The following NPL variants were observed in gnomAD, a reference collection of about 807,000 sequenced individuals.
The protein encoded by NPL is N-acetylneuraminate pyruvate lyase, also known as N-acetylneuraminate lyase.
In NPL, 32 loss-of-function variants were observed where a neutral mutation model predicts 41.1. The observed-to-expected ratio is 0.78, with a 90% CI of 0.59 to 1.05. The LOEUF (loss-of-function observed/expected upper bound fraction) is 1.05. Among genes scored for constraint, NPL ranks in the 50% least tolerant of loss-of-function variants. The pLI, the probability that NPL is intolerant of heterozygous loss-of-function variation, is 0.00. For synonymous variants in NPL, 128 were observed against 134.9 expected (o/e 0.95, Z 0.35); for missense variants, 321 against 378.4 (o/e 0.85, Z 1.26).
At chr1:182,819,298 T>C (rs549745970) in intron 10 of NPL, among the ~76,000 whole-genome samples, 1 of 151,858 alleles carries the variant, frequency 6.6e-6, no homozygotes, top group South Asian at 2.1e-4. Flanking sequence ...ATACAAAAAT[T>C]AGCTGGGCAT....
chr1:182,794,616 T>C (rs1571419928), intron 3 of NPL, among the ~76,000 whole-genome samples, 177 bp downstream of exon 3: 1 of 152,240 alleles, frequency 6.6e-6, no homozygotes, highest in East Asian at 1.9e-4. Context: ...GGAGGCATTA[T>C]ATCTCTGACC....
chr1:182,804,162 C>G (rs1666936146), intron 4 of NPL, among the ~76,000 whole-genome samples: 1 of 152,156 alleles, frequency 6.6e-6, no homozygotes, highest in Non-Finnish European at 1.5e-5. Flanking sequence ...GAGTCTTGCT[C>G]TATCTCCCCC....
intron 3 of NPL, among the ~76,000 whole-genome samples, chr1:182,799,364 G>A (rs1037744480): frequency 1.3e-5 from 2 of 152,098 alleles, no homozygotes; most frequent in Non-Finnish European, 2.9e-5. Flanking sequence ...TTGTTTAGCC[G>A]GTATAGTAAT....
intron 1 of NPL, among the ~76,000 whole-genome samples, chr1:182,790,087 T>C (rs1666456121): frequency 6.6e-6 from 1 of 151,970 alleles, no homozygotes; most frequent in Non-Finnish European, 1.5e-5. Context: ...CAAAATAGAG[T>C]TAGCAATTGA....
At chr1:182,794,014 A>G (rs577043981) in intron 2 of NPL, among the ~76,000 whole-genome samples, 2 of 152,336 alleles carry the variant, frequency 1.3e-5, no homozygotes, top group South Asian at 2.1e-4. Context: ...AGGCATGACT[A>G]TAATTCACTG....
At chr1:182,802,144 C>A (rs1472879685) in intron 3 of NPL, among the ~76,000 whole-genome samples, 1 of 152,238 alleles carries the variant, frequency 6.6e-6, no homozygotes. Flanking sequence ...CTTTGCCCAG[C>A]CTTTGCTGAA....
rs773568322 is a variant in NPL at position 182,828,958 on chromosome 1, A to C, written c.*50A>C. ...GCACCTTGAGACATAATCTACCTTA[A>C]ATAGTGCATTTTTTTCTCAGGGAAT... On this transcript the variant is annotated 3_prime_UTR_variant, in exon 13 of 13. Coordinates refer to ENST00000367553, the MANE Select transcript of NPL (RefSeq NM_030769.3). The surrounding 1 kb of genome is among the most constrained non-coding windows in gnomAD (Gnocchi z 4.0). 1 of 1,609,962 alleles carries C rather than the reference A, an allele frequency of 6.2e-7. No homozygotes were observed. Among genetic ancestry groups the C allele is most frequent in the Non-Finnish European group, 8.5e-7 (1 of 1,179,594 alleles).
At chr1:182,797,832 C>T (rs1315533367) in intron 3 of NPL, among the ~76,000 whole-genome samples, 2 of 152,170 alleles carry the variant, frequency 1.3e-5, no homozygotes, top group Non-Finnish European at 2.9e-5. Flanking sequence ...CTGCTTAGCC[C>T]TGTTCAATAG....
rs572408425 is a variant in NPL at position 182,813,013 on chromosome 1, C to G, written c.288+800C>G. Among the ~76,000 whole-genome samples, 26 of 151,952 alleles carry G rather than the reference C, an allele frequency of 1.7e-4. 1 individual carries two copies. The highest frequency in any genetic ancestry group is 6.2e-4 in the South Asian group (3 of 4,826). ...ACTAAAAATACAAAAATTAGCCAGG[C>G]ATGGTGGTGGGCGCCTATAATCCCA... is the stretch of plus-strand genomic sequence containing the variant. On this transcript the variant is annotated intron_variant, in intron 6 of 12. Coordinates refer to ENST00000367553, the MANE Select transcript of NPL (RefSeq NM_030769.3).
chr1:182,824,357 CAT>C (rs1379431330), intron 11 of NPL, among the ~76,000 whole-genome samples: 1 of 152,166 alleles, frequency 6.6e-6, no homozygotes, highest in Non-Finnish European at 1.5e-5. Context: ...TGGGGTAGAA[CAT>C]ATATGTTTGT....
chr1:182,814,517 C>A (rs759090248), intron 6 of NPL, among the ~76,000 whole-genome samples: 1 of 152,154 alleles, frequency 6.6e-6, no homozygotes, highest in African/African-American at 2.4e-5. Flanking sequence ...CAAAATGAAC[C>A]ACTTACGTCT....
At chr1:182,823,648 A>G (rs1267365615) in intron 11 of NPL, among the ~76,000 whole-genome samples, 1 of 152,212 alleles carries the variant, frequency 6.6e-6, no homozygotes, top group Non-Finnish European at 1.5e-5. Context: ...CCAGTTTCCT[A>G]GAAAAGGTTA....
rs1195641711 is a variant in NPL at position 182,828,910 on chromosome 1, G to C, written c.*2G>C. The C allele has an allele frequency of 1.9e-6, 3 of 1,613,990 alleles. No homozygotes were observed. The highest frequency in any genetic ancestry group is 2.2e-5 in the East Asian group (1 of 44,896). ...GGAAACTTGGAAGCTGGTAGCTAGT[G>C]CCTCTCTATCAAATCAGGGTTTGCA... is the stretch of plus-strand genomic sequence containing the variant. On this transcript the variant is annotated 3_prime_UTR_variant, in exon 13 of 13. Coordinates refer to ENST00000367553, the MANE Select transcript of NPL (RefSeq NM_030769.3). The surrounding 1 kb of genome is among the most constrained non-coding windows in gnomAD (Gnocchi z 4.0).
intron 7 of NPL, 56 bp downstream of exon 7, chr1:182,814,914 C>G: frequency 7.3e-7 from 1 of 1,375,938 alleles, no homozygotes; most frequent in Non-Finnish European, 1.0e-6. Flanking sequence ...CTTCTTGCCT[C>G]CATTCAAAAT....
chr1:182,817,847 C>A (rs1214185901), intron 8 of NPL, among the ~76,000 whole-genome samples: 1 of 152,232 alleles, frequency 6.6e-6, no homozygotes. Context: ...ATCCTCCAGG[C>A]ACCTTCACGT....
intron 1 of NPL, among the ~76,000 whole-genome samples, chr1:182,790,914 AT>A (rs776636724): frequency 3.0e-4 from 45 of 152,190 alleles, no homozygotes; most frequent in Non-Finnish European, 6.3e-4. Context: ...AAGTGCTGGG[AT>A]TACAGGCTTG....
rs1194202006 is a variant in NPL, at chr1:182,828,148, T to C, written c.779-576T>C. On this transcript the variant is annotated intron_variant, in intron 12 of 12. Transcript: ENST00000367553. The surrounding 1 kb of genome is among the most constrained non-coding windows in gnomAD (Gnocchi z 4.0). The stretch of plus-strand genomic sequence containing the variant: ...CTATTGCTTTTTACAGAAGGCTGAC[T>C]ACCAGTTTTACATAGGTAGTTTAAT... Among the ~76,000 whole-genome samples, 1 of 152,202 alleles carries C rather than the reference T, an allele frequency of 6.6e-6. No homozygotes were observed. The highest frequency in any genetic ancestry group is 1.5e-5 in the Non-Finnish European group (1 of 68,040).
chr1:182,797,034 C>CAAAAAAAAAAAAAAA (rs59582125), intron 3 of NPL, among the ~76,000 whole-genome samples: 5 of 96,010 alleles, frequency 5.2e-5, no homozygotes, highest in African/African-American at 1.8e-4. Flanking sequence ...GAATATGTCT[C>CAAAAAAAAAAAAAAA]AAAAAAAAAA....
chr1:182,803,037 G>A (rs1371257340), intron 3 of NPL, among the ~76,000 whole-genome samples: 1 of 152,140 alleles, frequency 6.6e-6, no homozygotes, highest in African/African-American at 2.4e-5. Context: ...ATACAGATGG[G>A]TTTAAGACTC....
Sources: allele counts gnomAD v4.1 joint callset (sites outside exome capture counted in the v4.1 genomes callset), GRCh38; gene constraint gnomAD v4.1.1; non-coding constraint Gnocchi (gnomAD v3.1); transcripts MANE v1.5; gene names NCBI Gene and HGNC (gene_info 2026-07-23, HGNC 2026-07-21).